Variants in TRHDE observed in about 807,000 individuals in gnomAD.
TRHDE encodes thyrotropin releasing hormone degrading enzyme.
A neutral mutation model predicts 125.7 loss-of-function variants in TRHDE; 72 were observed. That is an observed-to-expected ratio of 0.57 (90% CI 0.47 to 0.70). TRHDE has a LOEUF of 0.70. Ranked by LOEUF, TRHDE falls within the 30% of genes least tolerant of loss-of-function variation. The probability of loss-of-function intolerance (pLI) is 0.00; values close to 1 mark genes in which losing one functional copy is unlikely to be tolerated. For synonymous variants in TRHDE, 509 were observed against 509.1 expected (o/e 1.00, Z 0.00); for missense variants, 1,110 against 1,327.1 (o/e 0.84, Z 2.54).
chr12:72,468,279 T>C (rs961004115), intron 3 of TRHDE, among the ~76,000 whole-genome samples: 1 of 152,234 alleles, frequency 6.6e-6, no homozygotes, highest in African/African-American at 2.4e-5. Flanking sequence ...CTCGACATTG[T>C]CTTTCTCAGA....
intron 2 of TRHDE, among the ~76,000 whole-genome samples, chr12:72,349,258 A>T (rs76847641): frequency 0.018 from 2,692 of 152,204 alleles, 81 homozygotes; most frequent in African/African-American, 0.061. Flanking sequence ...AAATATTCTG[A>T]ATCATCATAG....
intron 12 of TRHDE, among the ~76,000 whole-genome samples, chr12:72,609,390 G>T (rs1041338200): frequency 6.6e-6 from 1 of 152,108 alleles, no homozygotes; most frequent in African/African-American, 2.4e-5. Flanking sequence ...TAATTATGAA[G>T]AATTTGAATA....
At position 72,663,048 on chromosome 12, in the gene TRHDE, C is replaced by T; in HGVS notation, c.3067-4C>T. 1 of 1,601,778 alleles carries T rather than the reference C, an allele frequency of 6.2e-7. No homozygotes were observed. The highest frequency in any genetic ancestry group is 8.5e-7 in the Non-Finnish European group (1 of 1,174,946). ...ATTTACCATTTAAAAATTTCTCTTT[C>T]CAGCTCAAGAACTTCATGAAAAACT... On this transcript the variant is annotated splice_region_variant and splice_polypyrimidine_tract_variant and intron_variant, in intron 18 of 18. Transcript: ENST00000261180.
intron 15 of TRHDE, among the ~76,000 whole-genome samples, chr12:72,637,230 G>A (rs1373289938): frequency 2.0e-5 from 3 of 151,262 alleles, no homozygotes; most frequent in Non-Finnish European, 3.0e-5. Context: ...GTTTAGTCTT[G>A]GGAGAGTGTT....
chr12:72,371,422 G>A lies in TRHDE; in HGVS notation c.1189-6573G>A, dbSNP rs541553545. Among the ~76,000 whole-genome samples the A allele has an allele frequency of 3.1e-3, 466 of 151,210 alleles. 2 individuals carry two copies. The highest frequency in any genetic ancestry group is 0.011 in the African/African-American group (432 of 41,088). On this transcript the variant is annotated intron_variant, in intron 2 of 18. Coordinates refer to ENST00000261180, the MANE Select transcript of TRHDE (RefSeq NM_013381.3). ...TATTATTATTATACTTTAAGTTTTA[G>A]GGTACATGTGCACAATGTGCAGGTT...
chr12:72,401,710 C>T (rs914540756), intron 3 of TRHDE, among the ~76,000 whole-genome samples: 1 of 151,856 alleles, frequency 6.6e-6, no homozygotes, highest in African/African-American at 2.4e-5. Context: ...ACAGAGTGAT[C>T]CTGAAGTTTG....
At chr12:72,350,680 A>G (rs1217683533) in intron 2 of TRHDE, among the ~76,000 whole-genome samples, 2 of 152,002 alleles carry the variant, frequency 1.3e-5, no homozygotes, top group Non-Finnish European at 2.9e-5. Flanking sequence ...CTTATGGAAA[A>G]TGAGGCTTGA....
intron 12 of TRHDE, among the ~76,000 whole-genome samples, chr12:72,595,124 G>A (rs533048320): frequency 6.1e-5 from 6 of 97,598 alleles, no homozygotes; most frequent in South Asian, 4.6e-4. Context: ...GGGGTGGGGG[G>A]AGGGGGGAGG....
intron 3 of TRHDE, among the ~76,000 whole-genome samples, chr12:72,442,546 A>T (rs1196958562): frequency 6.6e-6 from 1 of 151,758 alleles, no homozygotes; most frequent in Non-Finnish European, 1.5e-5. Flanking sequence ...TCCTTCTTTC[A>T]TTCTTGGAAC....
chr12:72,593,959 A>G (rs1427377644), intron 12 of TRHDE, among the ~76,000 whole-genome samples: 1 of 152,194 alleles, frequency 6.6e-6, no homozygotes, highest in African/African-American at 2.4e-5. Context: ...TATTGTGAAT[A>G]GTGCCACAAT....
At chr12:72,153,004 C>A (rs1157063320) in intron 2 of TRHDE, among the ~76,000 whole-genome samples, 1 of 152,096 alleles carries the variant, frequency 6.6e-6, no homozygotes, top group Admixed American at 6.5e-5. Flanking sequence ...TGGTAGAATT[C>A]GGCTGTGAAT....
intron 3 of TRHDE, among the ~76,000 whole-genome samples, chr12:72,447,399 C>T (rs931018729): frequency 6.6e-6 from 1 of 152,030 alleles, no homozygotes; most frequent in African/African-American, 2.4e-5. Context: ...CACTAAATGC[C>T]CACAAGAGAA....
intron 1 of TRHDE, among the ~76,000 whole-genome samples, chr12:72,282,991 G>A (rs1252484137): frequency 6.6e-6 from 1 of 152,100 alleles, no homozygotes; most frequent in Admixed American, 6.6e-5. Flanking sequence ...TAATTATCCA[G>A]CCTAAAATGT....
chr12:72,507,019 C>A (rs1426399549), intron 6 of TRHDE, among the ~76,000 whole-genome samples: 2 of 152,072 alleles, frequency 1.3e-5, no homozygotes, highest in African/African-American at 4.8e-5. Flanking sequence ...TACCACCTCA[C>A]CCTACTCTCT....
At chr12:72,268,874 G>A (rs1214160581), upstream of TRHDE, among the ~76,000 whole-genome samples, 2 of 151,946 alleles carry the variant, frequency 1.3e-5, no homozygotes, top group African/African-American at 4.8e-5. Flanking sequence ...CATGACTTTA[G>A]TGATATTTAT....
intron 5 of TRHDE, among the ~76,000 whole-genome samples, chr12:72,492,658 G>A (rs374950444): frequency 6.6e-6 from 1 of 151,770 alleles, no homozygotes; most frequent in Admixed American, 6.6e-5. Context: ...CACCAACTGT[G>A]CAGTGCTAAT....
chr12:72,395,294 G>A (rs1008342716), intron 3 of TRHDE, among the ~76,000 whole-genome samples: 1 of 151,928 alleles, frequency 6.6e-6, no homozygotes, highest in African/African-American at 2.4e-5. Flanking sequence ...TCACATTGAT[G>A]ACCCCTCCAA....
chr12:72,465,223 A>G (rs1027796627), intron 3 of TRHDE, among the ~76,000 whole-genome samples: 1 of 151,504 alleles, frequency 6.6e-6, no homozygotes, highest in Non-Finnish European at 1.5e-5. Flanking sequence ...TTTTTTTATT[A>G]GCTTCATTCA....
chr12:72,634,909 C>T (rs1240016751), intron 15 of TRHDE, among the ~76,000 whole-genome samples: 1 of 152,088 alleles, frequency 6.6e-6, no homozygotes, highest in Admixed American at 6.6e-5. Flanking sequence ...CATTGATGGA[C>T]CTTTGGGTTG....
Sources: gnomAD v4.1 joint callset for allele counts (sites outside exome capture counted in the v4.1 genomes callset) on GRCh38, gnomAD v4.1.1 for gene constraint, MANE v1.5 for transcripts, NCBI Gene and HGNC (gene_info 2026-07-23, HGNC 2026-07-21) for gene names.